The following MAGI2 variants were observed in gnomAD, a reference collection of about 807,000 sequenced individuals.
MAGI2 encodes membrane associated guanylate kinase, WW and PDZ domain containing 2.
MAGI2 carries 35 observed loss-of-function variants against 133.3 expected under a neutral mutation model. That is an observed-to-expected ratio of 0.26 (90% CI 0.20 to 0.35). The LOEUF (loss-of-function observed/expected upper bound fraction) is 0.35. Ranked by LOEUF, MAGI2 falls within the 10% of genes least tolerant of loss-of-function variation. The pLI is 1.00. For synonymous variants in MAGI2, 729 were observed against 710.6 expected, an observed-to-expected ratio of 1.03 and a Z score of -0.41; for missense variants, 1,636 against 1,863.4, an observed-to-expected ratio of 0.88 and a Z score of 2.25.
At chr7:79,322,056 C>T (rs1839223247) in intron 1 of MAGI2, among the ~76,000 whole-genome samples, 1 of 151,906 alleles carries the variant, frequency 6.6e-6, no homozygotes, top group Non-Finnish European at 1.5e-5. Flanking sequence ...TATTTTAGTT[C>T]ATAGTCATTT....
chr7:78,210,333 C>T (rs929803684), intron 10 of MAGI2, among the ~76,000 whole-genome samples: 3 of 152,068 alleles, frequency 2.0e-5, no homozygotes, highest in African/African-American at 4.8e-5. Flanking sequence ...GAGACATAGT[C>T]AAAAGATACT....
chr7:78,384,714 T>C (rs17150625), intron 6 of MAGI2, among the ~76,000 whole-genome samples: 29,842 of 152,118 alleles, frequency 0.2, 3,149 homozygotes, highest in South Asian at 0.24. Context: ...ATCAATATAG[T>C]AAGGATTTAA....
intron 20 of MAGI2, among the ~76,000 whole-genome samples, chr7:78,111,948 C>T (rs1003972988): frequency 3.3e-5 from 5 of 152,184 alleles, no homozygotes; most frequent in African/African-American, 7.2e-5. Flanking sequence ...GCAGGGCCCT[C>T]GAAATGATCT....
chr7:78,079,032 A>G lies in MAGI2; in HGVS notation c.3621T>C (p.His1207=), dbSNP rs769832262. ...INGESTRDMT[H]ARAIELIKSG... ...ATTTGATGAGTTCTATTGCTCTGGC[A>G]TGTGTCATGTCCCTTGTGCTTTCCC... is the stretch of plus-strand genomic sequence containing the variant. Residue 1207 remains histidine, a synonymous_variant, in exon 21 of 22, where the codon CAT becomes CAC. Transcript: ENST00000354212. The G allele has an allele frequency of 6.2e-7, 1 of 1,613,996 alleles. No individual in the cohort carries two copies. The highest frequency in any genetic ancestry group is 2.2e-5 in the East Asian group (1 of 44,878).
chr7:78,813,785 CA>C (rs36107160), intron 2 of MAGI2, among the ~76,000 whole-genome samples: 41,216 of 96,030 alleles, frequency 0.43, 5,534 homozygotes, highest in South Asian at 0.52. Context: ...GATTCTGTCT[CA>C]AAAAAAAAAA....
intron 3 of MAGI2, chr7:78,614,751 A>C (rs1411629092): frequency 6.6e-6 from 1 of 152,162 alleles, no homozygotes; most frequent in Non-Finnish European, 1.5e-5. Flanking sequence ...GGTAGTTAAA[A>C]TATTTTATAC....
chr7:78,624,910 T>C (rs568136221), intron 3 of MAGI2, among the ~76,000 whole-genome samples: 1 of 152,270 alleles, frequency 6.6e-6, no homozygotes, highest in South Asian at 2.1e-4. Context: ...GTGTATTCCT[T>C]CTACTTATTA....
intron 10 of MAGI2, among the ~76,000 whole-genome samples, chr7:78,248,098 A>C (rs1791991651): frequency 6.6e-6 from 1 of 152,236 alleles, no homozygotes; most frequent in Non-Finnish European, 1.5e-5. Context: ...CAAGTCATAC[A>C]CAAGGGAACT....
At chr7:79,243,080 G>A (rs369834663) in intron 1 of MAGI2, among the ~76,000 whole-genome samples, 1 of 152,098 alleles carries the variant, frequency 6.6e-6, no homozygotes, top group African/African-American at 2.4e-5. Flanking sequence ...GCTGGGCATG[G>A]TTGTGCACGC....
chr7:79,047,260 C>T (rs1415979204), intron 1 of MAGI2, among the ~76,000 whole-genome samples: 1 of 152,038 alleles, frequency 6.6e-6, no homozygotes, highest in Non-Finnish European at 1.5e-5. Flanking sequence ...GAAAGATGTG[C>T]ACTCATTTTA....
rs1233392181 is a variant in MAGI2 at position 78,132,996 on chromosome 7, G to T, written c.3096C>A (p.Pro1032=). Residue 1032 remains proline, a synonymous_variant, in exon 18 of 22, where the codon CCC becomes CCA. Coordinates refer to ENST00000354212, the MANE Select transcript of MAGI2 (RefSeq NM_012301.4). ...GGGCCAGGGGACTCTGCTGTGCCAG[G>T]GGACTCTGCTGCGCCATGGGACTCT... ...EKQSPMAQQS[P]LAQQSPLAQP... 6.2e-7 allele frequency: 1 copy of T among 1,611,254 alleles called. No individual in the cohort carries two copies. The highest frequency in any genetic ancestry group is 8.5e-7 in the Non-Finnish European group (1 of 1,179,052).
At chr7:78,361,863 T>C (rs1284574614) in intron 7 of MAGI2, among the ~76,000 whole-genome samples, 2 of 152,118 alleles carry the variant, frequency 1.3e-5, no homozygotes, top group African/African-American at 4.8e-5. Flanking sequence ...GAGCCAGCAA[T>C]GGTGAAGTGT....
intron 14 of MAGI2, among the ~76,000 whole-genome samples, chr7:78,176,929 A>T (rs1230985087): frequency 6.6e-6 from 1 of 151,392 alleles, no homozygotes; most frequent in Non-Finnish European, 1.5e-5. Context: ...ACACACACAC[A>T]CACACACACA....
chr7:78,649,577 T>C (rs1291320460), intron 2 of MAGI2, among the ~76,000 whole-genome samples: 1 of 152,014 alleles, frequency 6.6e-6, no homozygotes, highest in Non-Finnish European at 1.5e-5. Context: ...AGACTAAAAA[T>C]AATAAAACTA....
At chr7:78,629,735 T>C (rs1028831272) in intron 2 of MAGI2, among the ~76,000 whole-genome samples, 5 of 152,074 alleles carry the variant, frequency 3.3e-5, no homozygotes, top group Non-Finnish European at 5.9e-5. Context: ...CTCTCTCTCT[T>C]ATATTCCCAA....
chr7:79,028,233 A>ATGTGTG (rs58121901), intron 1 of MAGI2, among the ~76,000 whole-genome samples: 1 of 104,918 alleles, frequency 9.5e-6, no homozygotes, highest in African/African-American at 4.1e-5. Context: ...ATATATATGT[A>ATGTGTG]TGTATATATA....
chr7:79,043,542 C>CAA (rs58828466), intron 1 of MAGI2, among the ~76,000 whole-genome samples: 3,304 of 39,094 alleles, frequency 0.085, 233 homozygotes, highest in African/African-American at 0.11. Flanking sequence ...GACTCCATCA[C>CAA]AAAAAAAAAA....
At chr7:79,391,516 T>TATATATATATATATATAGAC (rs1844625813) in intron 1 of MAGI2, among the ~76,000 whole-genome samples, 1 of 52,144 alleles carries the variant, frequency 1.9e-5, no homozygotes, top group Non-Finnish European at 3.0e-5. Context: ...GACATATATA[T>TATATATATATATATATAGAC]ATATATATAT....
chr7:78,562,952 CT>C (rs904177070), intron 3 of MAGI2, among the ~76,000 whole-genome samples: 1 of 151,388 alleles, frequency 6.6e-6, no homozygotes, highest in African/African-American at 2.4e-5. Flanking sequence ...AATACATTCA[CT>C]TTCCCCTCCA....
Sources: gnomAD v4.1 joint callset for allele counts (sites outside exome capture counted in the v4.1 genomes callset) on GRCh38, gnomAD v4.1.1 for gene constraint, MANE v1.5 for transcripts, NCBI Gene and HGNC (gene_info 2026-07-23, HGNC 2026-07-21) for gene names.